The following KCNH8 variants were observed in gnomAD, a reference collection of about 807,000 sequenced individuals.
KCNH8 encodes the protein potassium voltage-gated channel subfamily H member 8, also known as voltage-gated delayed rectifier potassium channel KCNH8.
A neutral mutation model predicts 103.6 loss-of-function variants in KCNH8; 70 were observed. The ratio of observed to expected loss-of-function variants is 0.68; its 90% CI spans 0.56 to 0.82. The LOEUF (loss-of-function observed/expected upper bound fraction) is 0.82. KCNH8 is among the 40% of genes least tolerant of loss of function. The pLI, the probability that KCNH8 is intolerant of heterozygous loss-of-function variation, is 0.00. For missense variants in KCNH8, 1,217 were observed against 1,329.9 expected (o/e 0.92, Z 1.32); for synonymous variants, 498 against 489.4 (o/e 1.02, Z -0.23).
chr3:19,233,463 G>A (rs1447809501), intron 1 of KCNH8, among the ~76,000 whole-genome samples: 2 of 152,130 alleles, frequency 1.3e-5, no homozygotes, highest in African/African-American at 2.4e-5. Context: ...AGGAAGGAAG[G>A]AAAGAAGTTA....
At chr3:19,352,683 A>G (rs1310467595) in intron 5 of KCNH8, among the ~76,000 whole-genome samples, 1 of 152,228 alleles carries the variant, frequency 6.6e-6, no homozygotes, top group Non-Finnish European at 1.5e-5. Context: ...CTTTGAAACC[A>G]GTGAGAACAA....
intron 11 of KCNH8, among the ~76,000 whole-genome samples, chr3:19,507,847 G>A (rs1016085687): frequency 4.6e-5 from 7 of 152,162 alleles, no homozygotes; most frequent in Admixed American, 6.5e-5. Flanking sequence ...CAAAAATGGC[G>A]GCTTGCCTCT....
chr3:19,258,947 C>CTCTA (rs1321918245), intron 2 of KCNH8, among the ~76,000 whole-genome samples: 56 of 24,802 alleles, frequency 2.3e-3, no homozygotes, highest in Admixed American at 4.1e-3. Flanking sequence ...CTCTCTCTCT[C>CTCTA]TATATATATA....
intron 7 of KCNH8, among the ~76,000 whole-genome samples, chr3:19,419,817 T>C (rs1272527163): frequency 6.6e-6 from 1 of 151,952 alleles, no homozygotes; most frequent in East Asian, 2.0e-4. Flanking sequence ...TTCAGTCAAT[T>C]GAAGTACTAA....
At chr3:19,210,439 C>G (rs190615827) in intron 1 of KCNH8, among the ~76,000 whole-genome samples, 1 of 152,082 alleles carries the variant, frequency 6.6e-6, no homozygotes, top group African/African-American at 2.4e-5. Context: ...CACAAAACCC[C>G]TACCACCAGG....
intron 1 of KCNH8, among the ~76,000 whole-genome samples, chr3:19,225,479 G>A (rs1365111781): frequency 6.6e-6 from 1 of 152,092 alleles, no homozygotes; most frequent in Non-Finnish European, 1.5e-5. Flanking sequence ...TCTTGAATAT[G>A]TTGATATAGG....
intron 3 of KCNH8, among the ~76,000 whole-genome samples, chr3:19,293,312 AGGTG>A (rs145306448): frequency 0.033 from 4,996 of 152,250 alleles, 190 homozygotes; most frequent in East Asian, 0.11. Context: ...GTGGAAAGAA[AGGTG>A]GGCTTATCTC....
intron 11 of KCNH8, among the ~76,000 whole-genome samples, chr3:19,502,928 G>C (rs62276985): frequency 0.016 from 2,362 of 152,078 alleles, 29 homozygotes; most frequent in Non-Finnish European, 0.026. Flanking sequence ...TTGACAAATG[G>C]GATCTAACTA....
intron 5 of KCNH8, among the ~76,000 whole-genome samples, chr3:19,389,342 G>A (rs998898789): frequency 2.0e-5 from 3 of 152,026 alleles, no homozygotes. Flanking sequence ...AAACTCACAC[G>A]GATGTCATTT....
At chr3:19,342,739 G>A (rs1462073529) in intron 4 of KCNH8, 25 bp downstream of exon 4, 1 of 1,577,810 alleles carries the variant, frequency 6.3e-7, no homozygotes, top group Admixed American at 1.7e-5. Flanking sequence ...TGTACAGGAT[G>A]AATGCTAGTG....
At chr3:19,201,129 G>C (rs764157838) in intron 1 of KCNH8, among the ~76,000 whole-genome samples, 1 of 144,558 alleles carries the variant, frequency 6.9e-6, no homozygotes, top group African/African-American at 2.5e-5. Flanking sequence ...CTACTAGGAA[G>C]GCTGAGGCAT....
chr3:19,310,195 T>C (rs1470839331), intron 3 of KCNH8, among the ~76,000 whole-genome samples: 1 of 151,954 alleles, frequency 6.6e-6, no homozygotes, highest in Non-Finnish European at 1.5e-5. Context: ...CTGATTACCA[T>C]GGTATTTGAG....
intron 11 of KCNH8, among the ~76,000 whole-genome samples, chr3:19,507,209 A>G (rs570574041): frequency 6.6e-6 from 1 of 152,278 alleles, no homozygotes; most frequent in South Asian, 2.1e-4. Context: ...TGCTTGGAGC[A>G]CAGGTGAAGC....
intron 11 of KCNH8, among the ~76,000 whole-genome samples, chr3:19,472,980 TATTTA>T (rs1326385524): frequency 3.9e-5 from 6 of 152,350 alleles, no homozygotes; most frequent in South Asian, 2.1e-4. Flanking sequence ...TATATTACCT[TATTTA>T]ATTTAACTTT....
intron 11 of KCNH8, among the ~76,000 whole-genome samples, chr3:19,488,941 T>G (rs1339024433): frequency 2.6e-5 from 4 of 152,176 alleles, no homozygotes; most frequent in Admixed American, 2.6e-4. Context: ...CTTGAGGCTT[T>G]TTGGTATAAG....
chr3:19,286,984 G>A (rs1340306269), intron 3 of KCNH8, among the ~76,000 whole-genome samples: 1 of 151,988 alleles, frequency 6.6e-6, no homozygotes, highest in African/African-American at 2.4e-5. Context: ...TTCAGTATTG[G>A]GTCTACTGTT....
chr3:19,289,571 T>A (rs2064887521), intron 3 of KCNH8, among the ~76,000 whole-genome samples: 1 of 152,176 alleles, frequency 6.6e-6, no homozygotes, highest in Non-Finnish European at 1.5e-5. Flanking sequence ...CTCTGTTCTG[T>A]TCCATTGGTC....
chr3:19,485,089 C>A (rs1207782453), intron 11 of KCNH8, among the ~76,000 whole-genome samples: 3 of 152,178 alleles, frequency 2.0e-5, no homozygotes, highest in Non-Finnish European at 4.4e-5. Flanking sequence ...CGGTAGGCGG[C>A]ATGTAGCTTC....
intron 7 of KCNH8, among the ~76,000 whole-genome samples, chr3:19,408,608 CAA>C (rs1045703104): frequency 6.6e-6 from 1 of 151,522 alleles, no homozygotes; most frequent in East Asian, 1.9e-4. Context: ...AAAATCAACA[CAA>C]AAAAAATTCT....
Sources: allele counts gnomAD v4.1 joint callset (sites outside exome capture counted in the v4.1 genomes callset), GRCh38; gene constraint gnomAD v4.1.1; transcripts MANE v1.5; gene names NCBI Gene and HGNC (gene_info 2026-07-23, HGNC 2026-07-21).